Variants in CNTLN observed in about 807,000 individuals in gnomAD.
CNTLN encodes the protein centlein.
CNTLN carries 212 observed loss-of-function variants against 180.0 expected under a neutral mutation model. That is an observed-to-expected ratio of 1.18 (90% CI 1.05 to 1.32). The LOEUF is 1.32. Ranked by LOEUF, CNTLN falls within the 40% of genes most tolerant of loss-of-function variation. The pLI, the probability that CNTLN is intolerant of heterozygous loss-of-function variation, is 0.00. For synonymous variants in CNTLN, 722 were observed against 563.1 expected, an observed-to-expected ratio of 1.28 and a Z score of -3.99; for missense variants, 2,095 against 1,610.9, an observed-to-expected ratio of 1.30 and a Z score of -5.14.
chr9:17,497,159 C>G (rs1007774356), intron 25 of CNTLN, among the ~76,000 whole-genome samples: 1 of 152,098 alleles, frequency 6.6e-6, no homozygotes, highest in Non-Finnish European at 1.5e-5. Context: ...CAGCAGTAGT[C>G]TCTGATCTAT....
chr9:17,455,190 A>G (rs111721486), intron 18 of CNTLN, among the ~76,000 whole-genome samples: 12 of 152,332 alleles, frequency 7.9e-5, no homozygotes, highest in African/African-American at 2.9e-4. Flanking sequence ...AGGAGAACCA[A>G]AGGTTTCCAA....
chr9:17,456,448 T>G (rs1027987120), intron 18 of CNTLN, among the ~76,000 whole-genome samples: 1 of 152,166 alleles, frequency 6.6e-6, no homozygotes, highest in African/African-American at 2.4e-5. Flanking sequence ...TAGTTTTGAG[T>G]CCATGATCTG....
At chr9:17,429,914 T>A (rs1046547893) in intron 18 of CNTLN, among the ~76,000 whole-genome samples, 4 of 152,026 alleles carry the variant, frequency 2.6e-5, no homozygotes, top group African/African-American at 9.7e-5. Context: ...GCAAAGGAAT[T>A]TTATTGCTCT....
downstream of CNTLN, among the ~76,000 whole-genome samples, chr9:17,507,358 A>G (rs1294356586): frequency 1.3e-5 from 2 of 152,126 alleles, no homozygotes; most frequent in Non-Finnish European, 2.9e-5. Flanking sequence ...TCCATGGTGT[A>G]TATATCTTCC....
rs1163631862 is a variant in CNTLN, at chr9:17,454,845, T to G, written c.3115-2679T>G. 5.3e-5 allele frequency among the ~76,000 whole-genome samples: 8 copies of G among 152,284 alleles called. No individual in the cohort carries two copies. The East Asian group carries it at 1.4e-3, about 26-fold the overall frequency. ...CCGGAAATTATGACTCTTCCATGTG[T>G]GTTTTGTTTTCACTTGTTCTTAACG... On this transcript the variant is annotated intron_variant, in intron 18 of 25. Transcript: ENST00000380647.
At chr9:17,312,355 A>ATAT (rs1554685942) in intron 8 of CNTLN, among the ~76,000 whole-genome samples, 2 of 15,550 alleles carry the variant, frequency 1.3e-4, no homozygotes, top group Non-Finnish European at 4.1e-4. Flanking sequence ...ATATATATAT[A>ATAT]TATATATATT....
intron 12 of CNTLN, among the ~76,000 whole-genome samples, chr9:17,355,916 T>C (rs1024734752): frequency 6.6e-6 from 1 of 151,750 alleles, no homozygotes; most frequent in African/African-American, 2.4e-5. Flanking sequence ...TACAAAAAAT[T>C]AGCCAGGTGT....
At chr9:17,240,000 G>A (rs1825388223) in intron 5 of CNTLN, among the ~76,000 whole-genome samples, 1 of 152,068 alleles carries the variant, frequency 6.6e-6, no homozygotes, top group Admixed American at 6.6e-5. Flanking sequence ...GGCCAAAAAG[G>A]CCATCAGAGA....
chr9:17,152,196 C>T (rs996546490), intron 2 of CNTLN, among the ~76,000 whole-genome samples: 3 of 152,096 alleles, frequency 2.0e-5, no homozygotes, highest in Non-Finnish European at 4.4e-5. Context: ...TTCTTGTCTT[C>T]TGCTAGCTTT....
intron 6 of CNTLN, among the ~76,000 whole-genome samples, chr9:17,279,273 A>G (rs1828511019): frequency 6.6e-6 from 1 of 152,160 alleles, no homozygotes; most frequent in Admixed American, 6.5e-5. Flanking sequence ...AATTCTATAT[A>G]GTACTTCAGT....
intron 18 of CNTLN, among the ~76,000 whole-genome samples, chr9:17,433,108 TAGAGGAAG>T (rs1829529108): frequency 2.6e-5 from 4 of 151,308 alleles, no homozygotes; most frequent in African/African-American, 9.7e-5. Flanking sequence ...AATTCCTCAC[TAGAGGAAG>T]CTATTTGATT....
At chr9:17,460,818 A>T (rs1466396113) in intron 19 of CNTLN, among the ~76,000 whole-genome samples, 1 of 151,730 alleles carries the variant, frequency 6.6e-6, no homozygotes, top group Admixed American at 6.6e-5. Flanking sequence ...GTCAGGCTTT[A>T]TTTACTGCCT....
chr9:17,258,559 T>TA (rs573131906), intron 5 of CNTLN, among the ~76,000 whole-genome samples: 1,852 of 151,058 alleles, frequency 0.012, 101 homozygotes, highest in African/African-American at 0.043. Flanking sequence ...ATCTGTAAAT[T>TA]ACCTTGGGCA....
At chr9:17,271,299 C>T (rs543968687) in intron 5 of CNTLN, among the ~76,000 whole-genome samples, 2 of 152,102 alleles carry the variant, frequency 1.3e-5, no homozygotes, top group Admixed American at 6.5e-5. Context: ...AAATCATGCA[C>T]CAGATTTGCG....
intron 25 of CNTLN, 135 bp downstream of exon 25, chr9:17,487,201 G>A (rs1434550631): frequency 2.9e-6 from 2 of 679,372 alleles, no homozygotes; most frequent in Admixed American, 5.3e-5. Flanking sequence ...ATTCCAATAG[G>A]TAGAAAGGAA....
At chr9:17,274,801 T>G (rs557988221) in intron 6 of CNTLN, among the ~76,000 whole-genome samples, 1 of 152,184 alleles carries the variant, frequency 6.6e-6, no homozygotes, top group African/African-American at 2.4e-5. Context: ...GGGGGTCAAG[T>G]TAGTGCTGTT....
intron 5 of CNTLN, among the ~76,000 whole-genome samples, chr9:17,252,557 C>A (rs772284870): frequency 6.6e-6 from 1 of 151,588 alleles, no homozygotes; most frequent in Non-Finnish European, 1.5e-5. Context: ...TGAGAAATGT[C>A]CATTTTTGTA....
intron 12 of CNTLN, among the ~76,000 whole-genome samples, chr9:17,359,725 CA>C (rs1176814681): frequency 5.1e-3 from 108 of 21,336 alleles, no homozygotes; most frequent in African/African-American, 0.013. Context: ...ACTAAAAATA[CA>C]AAAAAAAAAA....
At chr9:17,326,619 T>G (rs1438932006) in intron 8 of CNTLN, among the ~76,000 whole-genome samples, 1 of 152,130 alleles carries the variant, frequency 6.6e-6, no homozygotes, top group Non-Finnish European at 1.5e-5. Context: ...AAGAGTAGCT[T>G]TACAAGTGGA....
Sources: allele counts gnomAD v4.1 joint callset (sites outside exome capture counted in the v4.1 genomes callset), GRCh38; gene constraint gnomAD v4.1.1; transcripts MANE v1.5; gene names NCBI Gene and HGNC (gene_info 2026-07-23, HGNC 2026-07-21).